RIMS2: variants seen among roughly 807,000 people sequenced by gnomAD.
RIMS2 encodes the protein regulating synaptic membrane exocytosis 2.
A neutral mutation model predicts 174.4 loss-of-function variants in RIMS2; 59 were observed. The ratio of observed to expected loss-of-function variants is 0.34; its 90% CI spans 0.27 to 0.42. The LOEUF is 0.42. Among genes scored for constraint, RIMS2 ranks in the 10% least tolerant of loss-of-function variants. The probability of loss-of-function intolerance (pLI) is 1.00; values close to 1 mark genes in which losing one functional copy is unlikely to be tolerated. For synonymous variants in RIMS2, 606 were observed against 572.5 expected (o/e 1.06, Z -0.84); for missense variants, 1,620 against 1,666.3 (o/e 0.97, Z 0.48).
At chr8:103,553,856 A>C (rs1289327703) in intron 1 of RIMS2, among the ~76,000 whole-genome samples, 1 of 68,654 alleles carries the variant, frequency 1.5e-5, no homozygotes, top group Non-Finnish European at 3.3e-5. Context: ...AAACAGACAG[A>C]TAGACCAATG....
At position 104,029,190 on chromosome 8, in the gene RIMS2, C is replaced by T. The variant is rs1225240139; in HGVS notation, c.3334+14575C>T. On this transcript the variant is annotated intron_variant, in intron 19 of 23. Transcript: ENST00000504942. ...GAACCGTGAGGACAAAGAAGTCACTCTCGTTGCCATCTTGGTTTTGGTGGG... is the reference window on the plus strand; with the variant it reads ...GAACCGTGAGGACAAAGAAGTCACTTTCGTTGCCATCTTGGTTTTGGTGGG... Among the ~76,000 whole-genome samples, 3 of 152,176 alleles carry T rather than the reference C, an allele frequency of 2.0e-5. No individual in the cohort carries two copies. The East Asian group carries it at 5.8e-4, about 29-fold the overall frequency.
At chr8:104,049,266 C>A (rs1566030194) in intron 19 of RIMS2, among the ~76,000 whole-genome samples, 1 of 151,702 alleles carries the variant, frequency 6.6e-6, no homozygotes, top group Non-Finnish European at 1.5e-5. Flanking sequence ...ACTAAAAATA[C>A]AAAAAATTAC....
intron 1 of RIMS2, among the ~76,000 whole-genome samples, chr8:103,506,722 T>A (rs1823829809): frequency 6.6e-6 from 1 of 152,202 alleles, no homozygotes. Flanking sequence ...ATTCTTTTCC[T>A]TGTCTATTAT....
At chr8:103,555,663 G>A (rs2131763560) in intron 1 of RIMS2, among the ~76,000 whole-genome samples, 1 of 152,162 alleles carries the variant, frequency 6.6e-6, no homozygotes, top group African/African-American at 2.4e-5. Flanking sequence ...CAGGCATGGT[G>A]GTTAATGCTG....
chr8:104,119,171 C>T (rs1436035550), intron 19 of RIMS2, among the ~76,000 whole-genome samples: 1 of 151,082 alleles, frequency 6.6e-6, no homozygotes, highest in Non-Finnish European at 1.5e-5. Flanking sequence ...CATGGTAAAC[C>T]CCGTCTCTAC....
intron 2 of RIMS2, among the ~76,000 whole-genome samples, chr8:103,712,869 A>G (rs762024461): frequency 1.5e-4 from 23 of 152,228 alleles, no homozygotes; most frequent in Non-Finnish European, 2.5e-4. Flanking sequence ...AATTTCAAAC[A>G]TAAGCAAAAA....
At chr8:104,060,792 A>G (rs1389193658) in intron 19 of RIMS2, among the ~76,000 whole-genome samples, 1 of 152,184 alleles carries the variant, frequency 6.6e-6, no homozygotes, top group Admixed American at 6.6e-5. Flanking sequence ...CTGGTTTCAA[A>G]GAACATCTTT....
intron 1 of RIMS2, among the ~76,000 whole-genome samples, chr8:103,685,447 C>T (rs901002857): frequency 6.6e-6 from 1 of 152,128 alleles, no homozygotes; most frequent in African/African-American, 2.4e-5. Context: ...GAGGGATCCA[C>T]CCCCATGACC....
At chr8:103,750,025 G>A (rs2097865265) in intron 2 of RIMS2, among the ~76,000 whole-genome samples, 1 of 151,950 alleles carries the variant, frequency 6.6e-6, no homozygotes, top group African/African-American at 2.4e-5. Flanking sequence ...TAAGACAGCT[G>A]TTAAAACAGT....
intron 1 of RIMS2, among the ~76,000 whole-genome samples, chr8:103,692,427 A>C (rs552555845): frequency 2.6e-4 from 40 of 152,256 alleles, no homozygotes; most frequent in African/African-American, 9.4e-4. Context: ...CACAAGACAA[A>C]GTTCTTCCCA....
intron 14 of RIMS2, among the ~76,000 whole-genome samples, chr8:103,954,734 A>G (rs1264921802): frequency 6.6e-6 from 1 of 152,080 alleles, no homozygotes; most frequent in Non-Finnish European, 1.5e-5. Context: ...CTAGCAGAAG[A>G]CAAGAAATAA....
chr8:104,211,296 G>T (rs2099104331), intron 19 of RIMS2, among the ~76,000 whole-genome samples: 1 of 152,080 alleles, frequency 6.6e-6, no homozygotes, highest in South Asian at 2.1e-4. Context: ...AAAATAAAAT[G>T]GCCTTCTACT....
intron 3 of RIMS2, among the ~76,000 whole-genome samples, chr8:103,784,034 T>C (rs1459424479): frequency 4.6e-5 from 7 of 151,284 alleles, no homozygotes; most frequent in Non-Finnish European, 7.4e-5. Context: ...GTGAGCATTT[T>C]TTCATGTGTT....
intron 1 of RIMS2, among the ~76,000 whole-genome samples, chr8:103,621,585 C>T (rs1240134750): frequency 1.3e-5 from 2 of 152,206 alleles, no homozygotes; most frequent in Admixed American, 6.5e-5. Flanking sequence ...TTTATTACGT[C>T]TAGCAGATAT....
At chr8:103,536,177 C>G in intron 1 of RIMS2, among the ~76,000 whole-genome samples, 1 of 152,146 alleles carries the variant, frequency 6.6e-6, no homozygotes, top group East Asian at 1.9e-4. Context: ...ATTCTGATAA[C>G]CTACTTTGGT....
At chr8:104,064,967 C>A (rs1164576951) in intron 19 of RIMS2, among the ~76,000 whole-genome samples, 1 of 152,114 alleles carries the variant, frequency 6.6e-6, no homozygotes, top group East Asian at 1.9e-4. Context: ...CTGAAATAAA[C>A]ATAGTTCATC....
chr8:103,921,302 A>T (rs2077606911), intron 9 of RIMS2, among the ~76,000 whole-genome samples: 1 of 152,048 alleles, frequency 6.6e-6, no homozygotes, highest in East Asian at 1.9e-4. Context: ...TCTGTCTTTC[A>T]GTTGCTTTAA....
intron 19 of RIMS2, among the ~76,000 whole-genome samples, chr8:104,204,278 G>A (rs777082699): frequency 3.3e-5 from 5 of 152,124 alleles, no homozygotes; most frequent in Admixed American, 6.5e-5. Flanking sequence ...TGCATGTTAC[G>A]TGTTAATAAT....
chr8:104,044,890 G>A (rs1256164589), intron 19 of RIMS2, among the ~76,000 whole-genome samples: 1 of 151,674 alleles, frequency 6.6e-6, no homozygotes, highest in Non-Finnish European at 1.5e-5. Context: ...AGAGTAAAGA[G>A]AGAATAATAC....
Sources: allele counts gnomAD v4.1 joint callset (sites outside exome capture counted in the v4.1 genomes callset), GRCh38; gene constraint gnomAD v4.1.1; transcripts MANE v1.5; gene names NCBI Gene and HGNC (gene_info 2026-07-23, HGNC 2026-07-21).